PTPRN2: variants seen among roughly 807,000 people sequenced by gnomAD.
PTPRN2 encodes protein tyrosine phosphatase receptor type N2.
In PTPRN2, 74 loss-of-function variants were observed where a neutral mutation model predicts 118.8. That is an observed-to-expected ratio of 0.62 (90% CI 0.52 to 0.76). The LOEUF (loss-of-function observed/expected upper bound fraction) is 0.76. Among genes scored for constraint, PTPRN2 ranks in the 30% least tolerant of loss-of-function variants. The pLI is 0.00. For synonymous variants in PTPRN2, 641 were observed against 608.0 expected (o/e 1.05, Z -0.80); for missense variants, 1,481 against 1,394.4 (o/e 1.06, Z -0.99).
intron 12 of PTPRN2, among the ~76,000 whole-genome samples, chr7:157,728,882 C>A (rs1799739384): frequency 6.6e-6 from 1 of 152,188 alleles, no homozygotes; most frequent in South Asian, 2.1e-4. Flanking sequence ...ATGAAGAACT[C>A]TTTCTCTGGG....
chr7:157,624,733 T>C (rs1308319449), intron 14 of PTPRN2, among the ~76,000 whole-genome samples: 1 of 152,198 alleles, frequency 6.6e-6, no homozygotes, highest in African/African-American at 2.4e-5. Context: ...GCATGTGAAC[T>C]TGGACAAGTA....
intron 12 of PTPRN2, among the ~76,000 whole-genome samples, chr7:157,832,460 C>T (rs528888672): frequency 6.6e-6 from 1 of 152,130 alleles, no homozygotes; most frequent in East Asian, 1.9e-4. Context: ...AGAAATGTAG[C>T]GGTTCTGTTG....
intron 9 of PTPRN2, among the ~76,000 whole-genome samples, chr7:158,130,267 C>G (rs4909100): frequency 3.9e-5 from 6 of 152,246 alleles, no homozygotes; most frequent in Middle Eastern, 3.4e-3. Context: ...ACCTCCAGTG[C>G]GAATGATCCT....
At chr7:157,710,778 C>T (rs59940107) in intron 12 of PTPRN2, among the ~76,000 whole-genome samples, 4,357 of 28,084 alleles carry the variant, frequency 0.16, 256 homozygotes, top group South Asian at 0.42. Context: ...GGAGGGGTTC[C>T]GGGGCAGCCG....
chr7:157,626,861 T>C (rs1210520951), intron 14 of PTPRN2, among the ~76,000 whole-genome samples: 2 of 152,234 alleles, frequency 1.3e-5, no homozygotes, highest in African/African-American at 4.8e-5. Flanking sequence ...AAAAGGAGCA[T>C]AAGGAACTTG....
At chr7:158,224,031 A>C (rs1489894259) in intron 3 of PTPRN2, among the ~76,000 whole-genome samples, 1 of 152,208 alleles carries the variant, frequency 6.6e-6, no homozygotes, top group Non-Finnish European at 1.5e-5. Flanking sequence ...CACTCAAAGA[A>C]TACCTAGGTG....
chr7:158,352,732 C>A (rs995257837), intron 2 of PTPRN2, among the ~76,000 whole-genome samples: 4 of 152,202 alleles, frequency 2.6e-5, no homozygotes, highest in Admixed American at 6.5e-5. Flanking sequence ...AAGCTCTTAG[C>A]CCTTCCCTGC....
chr7:158,312,044 T>C (rs534846308), intron 3 of PTPRN2, among the ~76,000 whole-genome samples: 54 of 120,092 alleles, frequency 4.5e-4, no homozygotes, highest in Non-Finnish European at 6.8e-4. Context: ...GACACACACA[T>C]GCACACACGT....
intron 3 of PTPRN2, among the ~76,000 whole-genome samples, chr7:158,244,662 TTG>T (rs1796086900): frequency 6.6e-6 from 1 of 151,738 alleles, no homozygotes; most frequent in African/African-American, 2.4e-5. Context: ...TGTGTGTCAG[TTG>T]TGTGAGTTCT....
intron 9 of PTPRN2, among the ~76,000 whole-genome samples, chr7:158,117,082 T>C (rs954763234): frequency 1.3e-5 from 2 of 152,006 alleles, no homozygotes; most frequent in African/African-American, 4.8e-5. Context: ...TCAACAATAA[T>C]TGTCTCTAAA....
chr7:157,706,695 G>A (rs1798349061), intron 12 of PTPRN2, among the ~76,000 whole-genome samples: 1 of 151,544 alleles, frequency 6.6e-6, no homozygotes, highest in Non-Finnish European at 1.5e-5. Context: ...CTGGATAAAG[G>A]CGGATCACAT....
chr7:157,810,493 A>C (rs1375424982), intron 12 of PTPRN2, among the ~76,000 whole-genome samples: 1 of 136,926 alleles, frequency 7.3e-6, no homozygotes, highest in Non-Finnish European at 1.5e-5. Flanking sequence ...TGCTGGGCAC[A>C]GGGTCTCCAT....
intron 12 of PTPRN2, among the ~76,000 whole-genome samples, chr7:157,799,139 C>T (rs779061775): frequency 5.9e-5 from 9 of 152,050 alleles, no homozygotes; most frequent in African/African-American, 9.7e-5. Flanking sequence ...GGCCCACCAT[C>T]GGGGTGGGGC....
chr7:157,781,383 G>A (rs538423102), intron 12 of PTPRN2, among the ~76,000 whole-genome samples: 1 of 149,004 alleles, frequency 6.7e-6, no homozygotes, highest in South Asian at 2.1e-4. Flanking sequence ...GTCTCTTTGA[G>A]GACAGTGCTT....
chr7:157,846,588 T>G (rs1808819729), intron 12 of PTPRN2, among the ~76,000 whole-genome samples: 1 of 152,220 alleles, frequency 6.6e-6, no homozygotes, highest in African/African-American at 2.4e-5. Flanking sequence ...TGCTGCTGTC[T>G]GAGAGAAAAT....
chr7:157,731,615 T>G (rs377632880), intron 12 of PTPRN2, among the ~76,000 whole-genome samples: 69 of 55,028 alleles, frequency 1.3e-3, no homozygotes, highest in Non-Finnish European at 1.8e-3. Context: ...CAGTTACCCT[T>G]TCCCGTCCCA....
At chr7:158,179,036 G>T (rs1330102302) in intron 5 of PTPRN2, among the ~76,000 whole-genome samples, 1 of 152,122 alleles carries the variant, frequency 6.6e-6, no homozygotes, top group Non-Finnish European at 1.5e-5. Flanking sequence ...GAGATTGCTG[G>T]ATCAAAAGGG....
At chr7:158,317,493 C>T (rs1299351996) in intron 2 of PTPRN2, among the ~76,000 whole-genome samples, 1 of 152,228 alleles carries the variant, frequency 6.6e-6, no homozygotes, top group Non-Finnish European at 1.5e-5. Flanking sequence ...ATTTATTTAG[C>T]TCGATTCCAT....
intron 3 of PTPRN2, among the ~76,000 whole-genome samples, chr7:158,206,594 CGTTT>C (rs1422125773): frequency 1.1e-4 from 17 of 151,944 alleles, no homozygotes; most frequent in Admixed American, 7.9e-4. Context: ...ACCGTCCGTT[CGTTT>C]GTCTCGGAGA....
Sources: allele counts gnomAD v4.1 joint callset (sites outside exome capture counted in the v4.1 genomes callset), GRCh38; gene constraint gnomAD v4.1.1; transcripts MANE v1.5; gene names NCBI Gene and HGNC (gene_info 2026-07-23, HGNC 2026-07-21).